Variants in FHIT observed in about 807,000 individuals in gnomAD.
The protein encoded by FHIT is fragile histidine triad diadenosine triphosphatase.
A neutral mutation model predicts 17.9 loss-of-function variants in FHIT; 19 were observed. That is an observed-to-expected ratio of 1.06 (90% CI 0.74 to 1.56). The LOEUF (loss-of-function observed/expected upper bound fraction) is 1.56. FHIT is among the 40% of genes most tolerant of loss of function. The pLI is 0.00. For synonymous variants in FHIT, 81 were observed against 69.7 expected, an observed-to-expected ratio of 1.16 and a Z score of -0.81; for missense variants, 248 against 189.2, an observed-to-expected ratio of 1.31 and a Z score of -1.82.
chr3:60,066,630 A>ATTTTTTTTTTTTTTT lies in FHIT; in HGVS notation c.104-52493_104-52479dup, dbSNP rs71089574. ...ATAGGTTGATTTTAATCCCTGACAA[A>ATTTTTTTTTTTTTTT]TTTTTTTTTTTTTTTTTTTTTTTTT... On this transcript the variant is annotated intron_variant, in intron 5 of 9. Transcript: ENST00000492590. Among the ~76,000 whole-genome samples the ATTTTTTTTTTTTTTT allele has an allele frequency of 3.7e-4, 19 of 51,418 alleles. 5 individuals are homozygous for ATTTTTTTTTTTTTTT. The highest frequency in any genetic ancestry group is 4.7e-4 in the Non-Finnish European group (13 of 27,692). 33.7% of individuals were successfully genotyped at this position (51,418 alleles called of 152,430 possible).
intron 5 of FHIT, among the ~76,000 whole-genome samples, chr3:60,154,288 T>G (rs1700589003): frequency 6.6e-6 from 1 of 152,224 alleles, no homozygotes; most frequent in Non-Finnish European, 1.5e-5. Context: ...GACCTACACA[T>G]GCTTCAATCC....
At chr3:60,017,413 T>C (rs540653454) in intron 5 of FHIT, among the ~76,000 whole-genome samples, 28 of 152,164 alleles carry the variant, frequency 1.8e-4, no homozygotes, top group Non-Finnish European at 4.0e-4. Flanking sequence ...AGCTGGCATT[T>C]TGCCCCTTCT....
rs147117586 is a variant in FHIT at position 61,135,565 on chromosome 3, T to G, written c.-164+65052A>C. The stretch of plus-strand genomic sequence containing the variant: ...TTAAGTGTATGTCAATAACCCACAC[T>G]TGCATCCTTGTGTTCGAACACACAC... On this transcript the variant is annotated intron_variant, in intron 2 of 9. Coordinates refer to ENST00000492590, the MANE Select transcript of FHIT (RefSeq NM_002012.4). Among the ~76,000 whole-genome samples the G allele has an allele frequency of 5.2e-3, 771 of 149,196 alleles. 5 individuals are homozygous for G. The highest frequency in any genetic ancestry group is 0.018 in the African/African-American group (739 of 39,946).
chr3:61,132,005 C>T (rs1452256803), intron 2 of FHIT, among the ~76,000 whole-genome samples: 4 of 152,012 alleles, frequency 2.6e-5, no homozygotes, highest in African/African-American at 4.8e-5. Flanking sequence ...AGAAATACTT[C>T]GATAAAACAA....
intron 5 of FHIT, among the ~76,000 whole-genome samples, chr3:60,495,746 G>T (rs367847311): frequency 7.9e-5 from 12 of 152,082 alleles, no homozygotes; most frequent in African/African-American, 2.9e-4. Flanking sequence ...TCATTTGAAA[G>T]AGTCAAGGTA....
chr3:59,983,270 G>T (rs547706307), intron 7 of FHIT, among the ~76,000 whole-genome samples: 1 of 152,056 alleles, frequency 6.6e-6, no homozygotes, highest in African/African-American at 2.4e-5. Flanking sequence ...AAAAGAAGGG[G>T]TATATTTATT....
intron 2 of FHIT, among the ~76,000 whole-genome samples, chr3:61,131,418 T>C (rs2036760024): frequency 6.6e-6 from 1 of 152,208 alleles, no homozygotes; most frequent in Non-Finnish European, 1.5e-5. Flanking sequence ...GTTATCAAAA[T>C]ATTCTCCTTC....
intron 8 of FHIT, among the ~76,000 whole-genome samples, chr3:59,919,278 C>G (rs1705289659): frequency 1.3e-5 from 2 of 152,150 alleles, no homozygotes; most frequent in Non-Finnish European, 2.9e-5. Context: ...GGGAAGCTCA[C>G]CCCCTTGGAA....
At chr3:61,050,019 C>A (rs1447946737) in intron 2 of FHIT, among the ~76,000 whole-genome samples, 1 of 152,178 alleles carries the variant, frequency 6.6e-6, no homozygotes, top group Non-Finnish European at 1.5e-5. Context: ...TATGTCCAAT[C>A]ATACTTCACC....
At chr3:60,845,886 C>G (rs1463741625) in intron 3 of FHIT, among the ~76,000 whole-genome samples, 1 of 152,118 alleles carries the variant, frequency 6.6e-6, no homozygotes, top group Non-Finnish European at 1.5e-5. Context: ...GTGTCAAATA[C>G]ATAAGAGGTA....
intron 5 of FHIT, among the ~76,000 whole-genome samples, chr3:60,173,917 GT>G (rs142922853): frequency 0.045 from 1,609 of 35,500 alleles, 167 homozygotes; most frequent in East Asian, 0.18. Context: ...ATATATATAT[GT>G]TTTTTTTTTT....
chr3:61,020,200 T>C lies in FHIT; in HGVS notation c.-111+21847A>G, dbSNP rs541617800. Among the ~76,000 whole-genome samples, 4 of 152,334 alleles carry C rather than the reference T, an allele frequency of 2.6e-5. No homozygotes were observed. In the South Asian group the frequency reaches 8.3e-4, roughly 32 times the overall value. On this transcript the variant is annotated intron_variant, in intron 3 of 9. Transcript: ENST00000492590. Reference sequence around the variant, plus strand: ...TTCTCCACATCCTCTCCAGCACCTGTTGTTTCATGACTTTTTAATGATCGC... The same window carrying C: ...TTCTCCACATCCTCTCCAGCACCTGCTGTTTCATGACTTTTTAATGATCGC...
Position 60,124,255 on chromosome 3 carries a change from G to C in FHIT, c.104-110103C>G, listed in dbSNP as rs184755147. On this transcript the variant is annotated intron_variant, in intron 5 of 9. Coordinates refer to ENST00000492590, the MANE Select transcript of FHIT (RefSeq NM_002012.4). ...AAAACAACAATTTATGTACCTCCTA[G>C]AGACACCAGACCAGTTTGAAGACTA... 8.6e-5 allele frequency among the ~76,000 whole-genome samples: 13 copies of C among 151,192 alleles called. No individual in the cohort carries two copies. The East Asian group carries it at 2.5e-3, about 30-fold the overall frequency.
intron 8 of FHIT, among the ~76,000 whole-genome samples, chr3:59,870,187 G>A (rs1029236954): frequency 2.6e-5 from 4 of 152,058 alleles, no homozygotes; most frequent in African/African-American, 7.2e-5. Flanking sequence ...CCTGCATCGC[G>A]AGCATCAGGC....
In FHIT at chr3:59,788,881, G is replaced by GTTTTTTTTTTGTTTT. The variant is rs545945821; in HGVS notation, c.349-36561_349-36560insAAAACAAAAAAAAAA. Among the ~76,000 whole-genome samples the GTTTTTTTTTTGTTTT allele has an allele frequency of 1.7e-4, 15 of 86,806 alleles. 1 individual carries two copies. The highest frequency in any genetic ancestry group is 2.0e-4 in the Non-Finnish European group (10 of 49,070). The allele number at this position is 86,806 out of a possible 152,430, so 56.9% of individuals were successfully genotyped here. The stretch of plus-strand genomic sequence containing the variant: ...ACCACGTTCTTTGCTGAGTTCATAT[G>GTTTTTTTTTTGTTTT]TTTTTTTTTTTTACCCCATCTCCAA... On this transcript the variant is annotated intron_variant, in intron 8 of 9. Coordinates refer to ENST00000492590, the MANE Select transcript of FHIT (RefSeq NM_002012.4).
At chr3:60,468,519 C>G (rs888472794) in intron 5 of FHIT, among the ~76,000 whole-genome samples, 2 of 151,906 alleles carry the variant, frequency 1.3e-5, no homozygotes, top group African/African-American at 4.8e-5. Flanking sequence ...TCTTGTAACC[C>G]ATTATATTAA....
At chr3:59,771,761 A>T (rs1702084684) in intron 8 of FHIT, among the ~76,000 whole-genome samples, 1 of 152,204 alleles carries the variant, frequency 6.6e-6, no homozygotes, top group African/African-American at 2.4e-5. Context: ...ACTTCTCGTC[A>T]TAAAAAAATT....
At chr3:61,022,082 AATAG>A (rs1214234538) in intron 3 of FHIT, among the ~76,000 whole-genome samples, 3 of 152,194 alleles carry the variant, frequency 2.0e-5, no homozygotes, top group East Asian at 1.9e-4. Flanking sequence ...AGATTAACAA[AATAG>A]ATAGACTGCT....
chr3:60,281,193 T>G (rs62248471), intron 5 of FHIT, among the ~76,000 whole-genome samples: 41,742 of 151,830 alleles, frequency 0.27, 6,520 homozygotes, highest in East Asian at 0.71. Flanking sequence ...ATGAAAGAAA[T>G]AAAATCTAAA....
Sources: allele counts gnomAD v4.1 joint callset (sites outside exome capture counted in the v4.1 genomes callset), GRCh38; gene constraint gnomAD v4.1.1; transcripts MANE v1.5; gene names NCBI Gene and HGNC (gene_info 2026-07-23, HGNC 2026-07-21).